Variants in TTC28 observed in about 807,000 individuals in gnomAD.
The protein encoded by TTC28 is tetratricopeptide repeat protein 28.
TTC28 carries 61 observed loss-of-function variants against 198.0 expected under a neutral mutation model. The observed-to-expected ratio is 0.31, with a 90% CI of 0.25 to 0.38. The LOEUF is 0.38. TTC28 is among the 10% of genes least tolerant of loss of function. The pLI, the probability that TTC28 is intolerant of heterozygous loss-of-function variation, is 1.00. For synonymous variants in TTC28, 1,171 were observed against 1,297.8 expected (o/e 0.90, Z 2.10); for missense variants, 2,678 against 3,164.0 (o/e 0.85, Z 3.69).
At chr22:28,337,283 G>T (rs955218980) in intron 2 of TTC28, among the ~76,000 whole-genome samples, 1 of 152,320 alleles carries the variant, frequency 6.6e-6, no homozygotes, top group African/African-American at 2.4e-5. Context: ...TTTGGAATAG[G>T]TGTGGTGTGG....
At chr22:28,343,978 T>C (rs908263090) in intron 2 of TTC28, among the ~76,000 whole-genome samples, 5 of 152,160 alleles carry the variant, frequency 3.3e-5, no homozygotes, top group Admixed American at 6.5e-5. Context: ...TATGTATAAA[T>C]TCAGTTACTT....
chr22:28,018,290 C>T (rs1399611440), intron 13 of TTC28, among the ~76,000 whole-genome samples: 255 of 65,604 alleles, frequency 3.9e-3, no homozygotes, highest in African/African-American at 0.012. Flanking sequence ...TGTGTGTGCG[C>T]GCGTGTGTGC....
intron 2 of TTC28, among the ~76,000 whole-genome samples, chr22:28,334,481 G>A (rs1328257495): frequency 6.6e-6 from 1 of 152,152 alleles, no homozygotes; most frequent in African/African-American, 2.4e-5. Context: ...GTGTAAAAGT[G>A]TTCCTATTTC....
chr22:28,283,883 T>C (rs2044631514), intron 5 of TTC28, among the ~76,000 whole-genome samples: 1 of 152,190 alleles, frequency 6.6e-6, no homozygotes, highest in African/African-American at 2.4e-5. Flanking sequence ...TTTTAGATTT[T>C]AGTTACTAGG....
At chr22:28,623,792 T>A (rs1035373521) in intron 2 of TTC28, among the ~76,000 whole-genome samples, 1 of 152,062 alleles carries the variant, frequency 6.6e-6, no homozygotes, top group Non-Finnish European at 1.5e-5. Flanking sequence ...TTCTAAATAA[T>A]CCATGGATCA....
intron 2 of TTC28, among the ~76,000 whole-genome samples, chr22:28,553,734 C>T (rs1477329466): frequency 6.6e-6 from 1 of 151,778 alleles, no homozygotes; most frequent in African/African-American, 2.4e-5. Context: ...CCAACTGCCC[C>T]GTCCGGGAGG....
chr22:28,101,941 C>G (rs1373879208), intron 8 of TTC28, among the ~76,000 whole-genome samples: 1 of 152,168 alleles, frequency 6.6e-6, no homozygotes, highest in Admixed American at 6.5e-5. Context: ...TCGGCAAGAG[C>G]CCAGGTGATG....
chr22:28,078,722 GT>G (rs1941243812), intron 12 of TTC28, among the ~76,000 whole-genome samples: 1 of 152,140 alleles, frequency 6.6e-6, no homozygotes, highest in Non-Finnish European at 1.5e-5. Context: ...GAACTAGTCA[GT>G]TGTTCATGCA....
At chr22:28,472,686 A>G (rs2048113510) in intron 2 of TTC28, among the ~76,000 whole-genome samples, 1 of 152,052 alleles carries the variant, frequency 6.6e-6, no homozygotes, top group Admixed American at 6.6e-5. Flanking sequence ...TTATATCTGC[A>G]TAACAAACAT....
intron 2 of TTC28, among the ~76,000 whole-genome samples, chr22:28,316,303 G>C (rs929898248): frequency 6.6e-6 from 1 of 152,026 alleles, no homozygotes; most frequent in Non-Finnish European, 1.5e-5. Flanking sequence ...TGTCTGACCC[G>C]TTTCTTCCTT....
At chr22:28,547,990 C>G (rs745920682) in intron 2 of TTC28, among the ~76,000 whole-genome samples, 1 of 151,616 alleles carries the variant, frequency 6.6e-6, no homozygotes, top group African/African-American at 2.4e-5. Context: ...TCTAACCACC[C>G]AATACTGCTG....
At chr22:28,218,069 G>A (rs775646347) in intron 5 of TTC28, among the ~76,000 whole-genome samples, 2 of 152,312 alleles carry the variant, frequency 1.3e-5, no homozygotes, top group East Asian at 3.9e-4. Context: ...AATAGATGAT[G>A]TGAATATCAT....
intron 1 of TTC28, 30 bp from the exon 2 acceptor site, chr22:28,629,860 G>A (rs1047607990): frequency 3.0e-5 from 46 of 1,528,606 alleles, no homozygotes; most frequent in Non-Finnish European, 3.9e-5. Flanking sequence ...ATCAGAAAAA[G>A]TTCAGATAAT....
At chr22:28,521,250 T>A (rs1050356465) in intron 2 of TTC28, among the ~76,000 whole-genome samples, 1 of 149,462 alleles carries the variant, frequency 6.7e-6, no homozygotes, top group African/African-American at 2.5e-5. Context: ...AAAAAAAAAT[T>A]AAAAAAAATT....
intron 1 of TTC28, among the ~76,000 whole-genome samples, chr22:28,642,442 A>AC (rs1452556912): frequency 1.3e-5 from 2 of 151,532 alleles, no homozygotes; most frequent in African/African-American, 2.4e-5. Flanking sequence ...TTAAAAAAAA[A>AC]AACAACAAAA....
chr22:28,559,046 A>G (rs533099712), intron 2 of TTC28, among the ~76,000 whole-genome samples: 104 of 152,278 alleles, frequency 6.8e-4, no homozygotes, highest in African/African-American at 2.0e-3. Context: ...AAAAAAAAAA[A>G]AGAGAGAATT....
At chr22:28,656,002 A>G (rs552795123) in intron 1 of TTC28, among the ~76,000 whole-genome samples, 51 of 152,346 alleles carry the variant, frequency 3.3e-4, no homozygotes, top group African/African-American at 1.2e-3. Context: ...ATTTGAACAG[A>G]TAAAATGTAA....
intron 6 of TTC28, among the ~76,000 whole-genome samples, chr22:28,117,439 CAA>C (rs1487579765): frequency 6.6e-6 from 1 of 152,194 alleles, no homozygotes; most frequent in Non-Finnish European, 1.5e-5. Context: ...CATATTCTAA[CAA>C]AGTCTGTGTG....
At chr22:28,186,156 C>T (rs1444440997) in intron 5 of TTC28, among the ~76,000 whole-genome samples, 1 of 152,090 alleles carries the variant, frequency 6.6e-6, no homozygotes, top group African/African-American at 2.4e-5. Flanking sequence ...AAGAAAAAAT[C>T]TGCAACAATT....
Sources: allele counts gnomAD v4.1 joint callset (sites outside exome capture counted in the v4.1 genomes callset), GRCh38; gene constraint gnomAD v4.1.1; transcripts MANE v1.5; gene names NCBI Gene and HGNC (gene_info 2026-07-23, HGNC 2026-07-21).